The following NPAS3 variants were observed in gnomAD, a reference collection of about 807,000 sequenced individuals.
The protein encoded by NPAS3 is neuronal PAS domain-containing protein 3.
Under a neutral mutation model 73.1 loss-of-function variants are expected in NPAS3, and 14 were observed. The observed-to-expected ratio is 0.19, with a 90% CI of 0.13 to 0.30. NPAS3 has a LOEUF of 0.30. Ranked by LOEUF, NPAS3 falls within the 10% of genes least tolerant of loss-of-function variation. NPAS3 has a pLI of 1.00. For synonymous variants in NPAS3, 620 were observed against 541.5 expected (o/e 1.14, Z -2.01); for missense variants, 1,096 against 1,250.0 (o/e 0.88, Z 1.86).
chr14:33,185,029 G>T (rs185313606), intron 2 of NPAS3, among the ~76,000 whole-genome samples: 188 of 152,260 alleles, frequency 1.2e-3, no homozygotes, highest in African/African-American at 4.1e-3. Flanking sequence ...ATGAATGAAT[G>T]AATGAATGAA....
chr14:33,612,597 A>T, intron 5 of NPAS3: 1 of 435,732 alleles, frequency 2.3e-6, no homozygotes, highest in Non-Finnish European at 4.6e-6. Flanking sequence ...AGATCTTTGT[A>T]TGCCTTTTGT....
chr14:32,985,787 G>A (rs2038072117), intron 1 of NPAS3, among the ~76,000 whole-genome samples: 1 of 152,186 alleles, frequency 6.6e-6, no homozygotes, highest in Admixed American at 6.5e-5. Context: ...ATGGATGGCA[G>A]CAGCCTGATT....
intron 4 of NPAS3, among the ~76,000 whole-genome samples, chr14:33,480,255 G>A (rs2051249556): frequency 6.6e-6 from 1 of 152,162 alleles, no homozygotes; most frequent in Non-Finnish European, 1.5e-5. Flanking sequence ...ACTGACAGTT[G>A]TTCTATCTAT....
intron 5 of NPAS3, among the ~76,000 whole-genome samples, chr14:33,656,626 TATACATATTC>T (rs2059152950): frequency 6.6e-6 from 1 of 152,212 alleles, no homozygotes; most frequent in Non-Finnish European, 1.5e-5. Context: ...GATGTTTTGA[TATACATATTC>T]ATAATGAACT....
At chr14:33,136,632 G>A (rs927046428) in intron 2 of NPAS3, among the ~76,000 whole-genome samples, 12 of 152,176 alleles carry the variant, frequency 7.9e-5, no homozygotes, top group Non-Finnish European at 1.2e-4. Flanking sequence ...CCTGAGATTG[G>A]AACCAGTGAG....
intron 1 of NPAS3, among the ~76,000 whole-genome samples, chr14:33,011,976 C>G (rs2039216043): frequency 6.6e-6 from 1 of 152,034 alleles, no homozygotes; most frequent in Non-Finnish European, 1.5e-5. Context: ...TCCTTTCCCC[C>G]CTTAGCAATA....
At chr14:33,606,497 T>C (rs1437902839) in intron 5 of NPAS3, among the ~76,000 whole-genome samples, 6 of 152,068 alleles carry the variant, frequency 3.9e-5, no homozygotes, top group Non-Finnish European at 8.8e-5. Flanking sequence ...AGAATAAAAA[T>C]AGTCTTTTCA....
chr14:33,504,554 C>T (rs2052668186), intron 4 of NPAS3, among the ~76,000 whole-genome samples: 1 of 151,914 alleles, frequency 6.6e-6, no homozygotes. Flanking sequence ...AAGGTAACAG[C>T]CCTTTTGCAG....
intron 4 of NPAS3, among the ~76,000 whole-genome samples, chr14:33,385,349 C>T (rs750091415): frequency 3.2e-4 from 49 of 152,268 alleles, no homozygotes; most frequent in Non-Finnish European, 6.2e-4. Context: ...ATTTTCTTTT[C>T]ATGCTAATTT....
chr14:33,246,856 A>C (rs1308659636), intron 3 of NPAS3, among the ~76,000 whole-genome samples: 2 of 147,480 alleles, frequency 1.4e-5, no homozygotes, highest in Admixed American at 6.7e-5. Flanking sequence ...AAAAAAAAAA[A>C]AAAAAAAAAA....
intron 4 of NPAS3, among the ~76,000 whole-genome samples, chr14:33,549,014 T>C (rs2139683664): frequency 6.6e-6 from 1 of 152,332 alleles, no homozygotes; most frequent in East Asian, 1.9e-4. Flanking sequence ...CAGGAGCATA[T>C]GTGAACATGT....
chr14:33,353,171 AAT>A (rs1491186127), intron 3 of NPAS3, among the ~76,000 whole-genome samples: 8 of 151,902 alleles, frequency 5.3e-5, no homozygotes, highest in African/African-American at 1.7e-4. Flanking sequence ...AAAAAAAAAA[AAT>A]ATTGGGAAAC....
intron 1 of NPAS3, among the ~76,000 whole-genome samples, chr14:33,008,190 T>C (rs974903396): frequency 7.9e-5 from 12 of 152,168 alleles, no homozygotes; most frequent in Non-Finnish European, 1.5e-4. Flanking sequence ...TAAATGTTCA[T>C]TGATGGAGAA....
At chr14:33,329,615 T>A (rs541164512) in intron 3 of NPAS3, among the ~76,000 whole-genome samples, 296 of 152,186 alleles carry the variant, frequency 1.9e-3, no homozygotes, top group Non-Finnish European at 3.3e-3. Context: ...GAGAGGATAG[T>A]CTCAGAGGAG....
chr14:33,103,965 C>A (rs778096457), intron 2 of NPAS3, among the ~76,000 whole-genome samples: 1 of 152,066 alleles, frequency 6.6e-6, no homozygotes, highest in Admixed American at 6.6e-5. Flanking sequence ...AATACAACTT[C>A]CAGAATCTTA....
chr14:32,974,336 A>T (rs994072203), intron 1 of NPAS3, among the ~76,000 whole-genome samples: 1 of 152,244 alleles, frequency 6.6e-6, no homozygotes, highest in Non-Finnish European at 1.5e-5. Context: ...TGGTGATAAT[A>T]ATAACACACA....
chr14:33,747,118 G>C (rs1272978708), intron 7 of NPAS3, among the ~76,000 whole-genome samples: 1 of 151,916 alleles, frequency 6.6e-6, no homozygotes, highest in African/African-American at 2.4e-5. Context: ...AAATCATGCT[G>C]CTATAAAGAC....
chr14:33,175,562 G>A (rs1357787776), intron 2 of NPAS3, among the ~76,000 whole-genome samples: 1 of 152,142 alleles, frequency 6.6e-6, no homozygotes, highest in Non-Finnish European at 1.5e-5. Flanking sequence ...ATTGTAACAA[G>A]CAATTAACTT....
At chr14:33,596,982 C>T (rs1013405040) in intron 5 of NPAS3, among the ~76,000 whole-genome samples, 2 of 152,118 alleles carry the variant, frequency 1.3e-5, no homozygotes, top group Admixed American at 6.6e-5. Context: ...GCCAGAGTTG[C>T]GCTGGTAGTG....
Sources: allele counts gnomAD v4.1 joint callset (sites outside exome capture counted in the v4.1 genomes callset), GRCh38; gene constraint gnomAD v4.1.1; transcripts MANE v1.5; gene names NCBI Gene and HGNC (gene_info 2026-07-23, HGNC 2026-07-21).